FAM149B1: variants seen among roughly 807,000 people sequenced by gnomAD.
The protein encoded by FAM149B1 is primary cilium assembly protein FAM149B1.
Under a neutral mutation model 75.3 loss-of-function variants are expected in FAM149B1, and 56 were observed. That is an observed-to-expected ratio of 0.74 (90% confidence interval 0.60 to 0.93). FAM149B1 has a LOEUF of 0.93. Among genes scored for constraint, FAM149B1 ranks in the 40% least tolerant of loss-of-function variants. The pLI is 0.00. For synonymous variants in FAM149B1, 259 were observed against 256.1 expected, an observed-to-expected ratio of 1.01 and a Z score of -0.11; for missense variants, 639 against 708.4, an observed-to-expected ratio of 0.90 and a Z score of 1.11.
chr10:73,191,360 G>A (rs2042679327), intron 3 of FAM149B1, among the ~76,000 whole-genome samples: 1 of 144,362 alleles, frequency 6.9e-6, no homozygotes, highest in Non-Finnish European at 1.5e-5. Flanking sequence ...TTTTGAGACG[G>A]AGTTTCATTC....
At position 73,244,071 on chromosome 10, in the gene FAM149B1, C is replaced by A; in HGVS notation, c.*3052C>A. ...AATGAATCGAATTACATAACTATGT[C>A]ATTCATTAAATGGCAACAATGCTGA... On this transcript the variant is annotated 3_prime_UTR_variant, in exon 14 of 14. Coordinates refer to ENST00000242505, the MANE Select transcript of FAM149B1 (RefSeq NM_173348.2). The A allele has an allele frequency of 1.5e-6, 1 of 647,486 alleles. No homozygotes were observed. Among genetic ancestry groups the A allele is most frequent in the Non-Finnish European group, 2.7e-6 (1 of 376,576 alleles). 40.1% of individuals were successfully genotyped at this position (647,486 alleles called of 1,614,324 possible).
intron 5 of FAM149B1, among the ~76,000 whole-genome samples, chr10:73,195,151 C>T (rs928771873): frequency 6.6e-6 from 1 of 152,094 alleles, no homozygotes; most frequent in Non-Finnish European, 1.5e-5. Flanking sequence ...TATACTTTTT[C>T]CCAGGGCTCC....
At chr10:73,187,683 C>T (rs920663962) in intron 3 of FAM149B1, among the ~76,000 whole-genome samples, 53 of 150,126 alleles carry the variant, frequency 3.5e-4, no homozygotes, top group African/African-American at 1.2e-3. Context: ...GAGCCGAGAT[C>T]GCACCATTGC....
rs571617121 is a variant in FAM149B1 at position 73,203,643 on chromosome 10, A to T, written c.543-4976A>T. On this transcript the variant is annotated intron_variant, in intron 5 of 13. Transcript: ENST00000242505. ...AATTATAAACAATTCTGTGATCATAATTTTTTTTTTTTTTGAGATAGGGTC... is the reference window on the plus strand; with the variant it reads ...AATTATAAACAATTCTGTGATCATATTTTTTTTTTTTTTTGAGATAGGGTC... 6.4e-3 allele frequency among the ~76,000 whole-genome samples: 936 copies of T among 145,994 alleles called. 6 individuals carry two copies. Among genetic ancestry groups the T allele is most frequent in the Non-Finnish European group, 0.01 (670 of 66,068 alleles).
At chr10:73,238,296 G>A (rs527659515) in intron 12 of FAM149B1, among the ~76,000 whole-genome samples, 38 of 152,300 alleles carry the variant, frequency 2.5e-4, no homozygotes, top group African/African-American at 3.8e-4. Context: ...GCAGTGAGCC[G>A]AGATCGTGCC....
At chr10:73,234,640 T>A in intron 10 of FAM149B1, 177 bp from the exon 11 acceptor site, 1 of 664,114 alleles carries the variant, frequency 1.5e-6, no homozygotes, top group African/African-American at 1.8e-5. Flanking sequence ...CAGAAAACAC[T>A]ATTTTAAAAA....
chr10:73,171,022 C>T (rs1489004599), intron 1 of FAM149B1, among the ~76,000 whole-genome samples: 4 of 150,922 alleles, frequency 2.7e-5, no homozygotes, highest in Non-Finnish European at 4.4e-5. Context: ...GGTTGGAGTG[C>T]AGTGGTGCCA....
intron 10 of FAM149B1, among the ~76,000 whole-genome samples, chr10:73,233,759 A>T (rs776076943): frequency 5.3e-5 from 8 of 152,254 alleles, no homozygotes; most frequent in Admixed American, 2.6e-4. Context: ...TACAAAAGGA[A>T]TAAAGAACCT....
chr10:73,240,296 C>T (rs2043912035), intron 13 of FAM149B1, among the ~76,000 whole-genome samples: 1 of 152,238 alleles, frequency 6.6e-6, no homozygotes, highest in Non-Finnish European at 1.5e-5. Flanking sequence ...CTCAAACCAT[C>T]TTTGTAGTCC....
chr10:73,200,693 A>T (rs913743813), intron 5 of FAM149B1: 20 of 494,168 alleles, frequency 4.0e-5, no homozygotes, highest in Non-Finnish European at 5.1e-5. Context: ...CAAAAAATTC[A>T]CTAAAGATCC....
At chr10:73,174,511 A>G (rs1843854616) in intron 1 of FAM149B1, among the ~76,000 whole-genome samples, 176 bp from the exon 2 acceptor site, 1 of 152,198 alleles carries the variant, frequency 6.6e-6, no homozygotes, top group African/African-American at 2.4e-5. Context: ...TTGAAATCCA[A>G]TGTGTTTTAC....
rs77079348 is a variant in FAM149B1 at position 73,228,600 on chromosome 10, T to A, written c.1023+416T>A. Among the ~76,000 whole-genome samples the A allele has an allele frequency of 3.3e-5, 5 of 150,116 alleles. No individual in the cohort carries two copies. In the South Asian group the frequency reaches 1.1e-3, roughly 33 times the overall value. ...AACTTGGCCCACCCTGTTTATTTTT[T>A]ATTTTTTCATTTTTTTTGAGACAGT... On this transcript the variant is annotated intron_variant, in intron 8 of 13. Coordinates refer to ENST00000242505, the MANE Select transcript of FAM149B1 (RefSeq NM_173348.2).
intron 5 of FAM149B1, chr10:73,200,835 T>TA (rs1182338204): frequency 2.0e-6 from 1 of 510,780 alleles, no homozygotes; most frequent in East Asian, 5.3e-5. Flanking sequence ...AACAGGCTGT[T>TA]ATTTTTCTCA....
intron 5 of FAM149B1, among the ~76,000 whole-genome samples, chr10:73,199,494 G>C (rs933131321): frequency 6.6e-6 from 1 of 152,076 alleles, no homozygotes; most frequent in Admixed American, 6.6e-5. Context: ...TGAGATTACA[G>C]GCGTGAGCCA....
intron 7 of FAM149B1, among the ~76,000 whole-genome samples, chr10:73,220,794 C>T (rs929314739): frequency 8.5e-5 from 13 of 152,070 alleles, no homozygotes; most frequent in Admixed American, 3.3e-4. Flanking sequence ...AGGTGGCCAC[C>T]GGAAAGCCAG....
chr10:73,207,511 C>T (rs1445160209), intron 5 of FAM149B1, among the ~76,000 whole-genome samples: 1 of 151,968 alleles, frequency 6.6e-6, no homozygotes, highest in Admixed American at 6.6e-5. Flanking sequence ...TTGCAGTGGG[C>T]CGAGACCCCA....
At chr10:73,218,562 C>G (rs1454232548) in intron 7 of FAM149B1, among the ~76,000 whole-genome samples, 1 of 152,112 alleles carries the variant, frequency 6.6e-6, no homozygotes, top group Non-Finnish European at 1.5e-5. Flanking sequence ...ATCTTAGGGT[C>G]CTGCTTGAAT....
Position 73,243,948 on chromosome 10 carries a change from T to A in FAM149B1, c.*2929T>A, listed in dbSNP as rs200313574. 6.2e-7 allele frequency: 1 copy of A among 1,609,166 alleles called. No individual in the cohort carries two copies. On this transcript the variant is annotated 3_prime_UTR_variant, in exon 14 of 14. Transcript: ENST00000242505. The stretch of plus-strand genomic sequence containing the variant: ...CCTGAGCCTGAAACAGGAACTCACA[T>A]GAGACTCAGGGCCACCAGGAAATGC...
chr10:73,242,231 C>T lies in FAM149B1; in HGVS notation c.*1212C>T, dbSNP rs1232377555. On this transcript the variant is annotated 3_prime_UTR_variant, in exon 14 of 14. Coordinates refer to ENST00000242505, the MANE Select transcript of FAM149B1 (RefSeq NM_173348.2). ...GTCGTCTTTACCTTAGAGCTAAAGG[C>T]TTACTTTATGCATACGGTATATTTA... is the stretch of plus-strand genomic sequence containing the variant. 1 of 152,112 alleles carries T rather than the reference C, an allele frequency of 6.6e-6. No homozygotes were observed. Among genetic ancestry groups the T allele is most frequent in the Non-Finnish European group, 1.5e-5 (1 of 68,016 alleles). 9.4% of individuals were successfully genotyped at this position (152,112 alleles called of 1,614,324 possible). A position where few individuals can be genotyped will look rare whatever the true frequency, so the allele number is the denominator to read the frequency against.
Sources: allele counts gnomAD v4.1 joint callset (sites outside exome capture counted in the v4.1 genomes callset), GRCh38; gene constraint gnomAD v4.1.1; transcripts MANE v1.5; gene names NCBI Gene and HGNC (gene_info 2026-07-23, HGNC 2026-07-21).